Variants in NTSR1 observed in about 807,000 individuals in gnomAD.
NTSR1 encodes neurotensin receptor type 1.
NTSR1 carries 29 observed loss-of-function variants against 31.2 expected under a neutral mutation model. That is an observed-to-expected ratio of 0.93 (90% CI 0.69 to 1.27). The LOEUF is 1.27. Among genes scored for constraint, NTSR1 ranks in the 50% most tolerant of loss-of-function variants. NTSR1 has a pLI of 0.00. For synonymous variants in NTSR1, 282 were observed against 269.9 expected (o/e 1.04, Z -0.44); for missense variants, 697 against 595.4 (o/e 1.17, Z -1.78).
rs1339021116 is a variant in NTSR1, at chr20:62,709,452, C to G, written c.245C>G (p.Thr82Arg). The change falls in exon 1 of 4, where the codon ACG (threonine) becomes AGG (arginine). Residue 82 changes from threonine to arginine, a missense_variant. Transcript: ENST00000370501. ...ALFVVGTVGN[T>R]VTAFTLARKK... ...TTCGTGGTGGGCACGGTGGGCAACA[C>G]GGTGACGGCGTTCACGCTGGCGCGG... The G allele has an allele frequency of 1.2e-6, 2 of 1,612,382 alleles. No homozygotes were observed. The highest frequency in any genetic ancestry group is 1.3e-5 in the African/African-American group (1 of 74,926).
intron 1 of NTSR1, among the ~76,000 whole-genome samples, chr20:62,710,403 T>C (rs1262653764): frequency 1.3e-5 from 2 of 152,164 alleles, no homozygotes; most frequent in African/African-American, 2.4e-5. Flanking sequence ...CAGTTCCTAG[T>C]TTAGCCTCAG....
At chr20:62,738,049 C>T (rs1363436756) in intron 1 of NTSR1, among the ~76,000 whole-genome samples, 1 of 152,232 alleles carries the variant, frequency 6.6e-6, no homozygotes, top group African/African-American at 2.4e-5. Flanking sequence ...CTGCAGTGCC[C>T]ATCTGCCCAC....
At chr20:62,721,218 T>G (rs956840265) in intron 1 of NTSR1, among the ~76,000 whole-genome samples, 5 of 152,194 alleles carry the variant, frequency 3.3e-5, no homozygotes, top group African/African-American at 1.2e-4. Flanking sequence ...TTTAAGAACT[T>G]TCATTTTTCC....
chr20:62,742,065 C>T lies in NTSR1; in HGVS notation c.715-12620C>T, dbSNP rs1989216136. On this transcript the variant is annotated intron_variant, in intron 1 of 3. Coordinates refer to ENST00000370501, the MANE Select transcript of NTSR1 (RefSeq NM_002531.3). This position sits in a 1 kb window ranked among gnomAD's most constrained non-coding sequence, Gnocchi z 7.1. ...AAGTGAAGGTTAGAGGAATTCAAAC[C>T]GTTATTTTTAATACTGAGCCAAAAC... Among the ~76,000 whole-genome samples, 1 of 149,616 alleles carries T rather than the reference C, an allele frequency of 6.7e-6. No individual in the cohort carries two copies.
At chr20:62,718,865 A>T (rs73918637) in intron 1 of NTSR1, among the ~76,000 whole-genome samples, 4 of 152,312 alleles carry the variant, frequency 2.6e-5, no homozygotes, top group Admixed American at 2.6e-4. Flanking sequence ...ATACATTTTC[A>T]TTTCTCATGA....
At chr20:62,750,951 C>G (rs1404816684) in intron 1 of NTSR1, among the ~76,000 whole-genome samples, 1 of 152,202 alleles carries the variant, frequency 6.6e-6, no homozygotes, top group Non-Finnish European at 1.5e-5. Flanking sequence ...TCATAGCTCA[C>G]TGTAGCCTCA....
Position 62,715,798 on chromosome 20 carries a change from G to A in NTSR1, c.714+5877G>A, listed in dbSNP as rs1452388483. Among the ~76,000 whole-genome samples the A allele has an allele frequency of 1.3e-5, 2 of 152,208 alleles. No individual in the cohort carries two copies. The highest frequency in any genetic ancestry group is 2.4e-5 in the African/African-American group (1 of 41,464). On this transcript the variant is annotated intron_variant, in intron 1 of 3. Transcript: ENST00000370501. This position sits in a 1 kb window ranked among gnomAD's most constrained non-coding sequence, Gnocchi z 4.7. ...AGAACCACCACAAGCCACCCCACAG[G>A]TGAGGCAGGCCTCAGGCAGCAGCCC...
At chr20:62,712,420 C>A (rs1430931887) in intron 1 of NTSR1, among the ~76,000 whole-genome samples, 1 of 152,226 alleles carries the variant, frequency 6.6e-6, no homozygotes, top group Non-Finnish European at 1.5e-5. Context: ...GCGTCTCCTA[C>A]GAAATTTTGG....
At position 62,709,933 on chromosome 20, in the gene NTSR1, T is replaced by C. The variant is rs752314685; in HGVS notation, c.714+12T>C. On this transcript the variant is annotated intron_variant, in intron 1 of 3. Transcript: ENST00000370501. The stretch of plus-strand genomic sequence containing the variant: ...AGGTCGTCATACAGGTGAGCCTCAG[T>C]AACCAGCCCCGGGGCTCCCCTCTCC... 6.4e-7 allele frequency: 1 copy of C among 1,566,672 alleles called. No individual in the cohort carries two copies. The highest frequency in any genetic ancestry group is 8.7e-7 in the Non-Finnish European group (1 of 1,151,840).
rs1294220712 is a variant in NTSR1 at position 62,709,922 on chromosome 20, G to A, written c.714+1G>A. The A allele has an allele frequency of 1.3e-6, 2 of 1,579,586 alleles. No individual in the cohort carries two copies. The highest frequency in any genetic ancestry group is 2.3e-5 in the East Asian group (1 of 44,262). On this transcript the variant is annotated splice_donor_variant, in intron 1 of 3. Coordinates refer to ENST00000370501, the MANE Select transcript of NTSR1 (RefSeq NM_002531.3). LOFTEE classifies it high-confidence loss of function. ...TGCCACCGTCAAGGTCGTCATACAG[G>A]TGAGCCTCAGTAACCAGCCCCGGGG...
chr20:62,721,803 G>A (rs1234902986), intron 1 of NTSR1, among the ~76,000 whole-genome samples: 1 of 152,188 alleles, frequency 6.6e-6, no homozygotes, highest in Non-Finnish European at 1.5e-5. Flanking sequence ...CAGCCAGGAA[G>A]CCCGAGTATT....
rs1843897770 is a variant in NTSR1 at position 62,761,565 on chromosome 20, G to C, written c.*1298G>C. ...AGAAGCTGGCCGGGACCAGCCAGGA[G>C]CTGGGAGCCACAGGAAGCAAAAGTC... is the stretch of plus-strand genomic sequence containing the variant. On this transcript the variant is annotated 3_prime_UTR_variant, in exon 4 of 4. Transcript: ENST00000370501. The C allele has an allele frequency of 1.3e-5, 2 of 152,250 alleles. No homozygotes were observed. The highest frequency in any genetic ancestry group is 6.5e-5 in the Admixed American group (1 of 15,288). The allele number at this position is 152,250 out of a possible 1,614,324, so 9.4% of individuals were successfully genotyped here.
At position 62,744,381 on chromosome 20, in the gene NTSR1, T is replaced by C. The variant is rs372964379; in HGVS notation, c.715-10304T>C. Among the ~76,000 whole-genome samples the C allele has an allele frequency of 2.3e-3, 351 of 152,180 alleles. 1 individual carries two copies. The highest frequency in any genetic ancestry group is 3.5e-3 in the Non-Finnish European group (236 of 67,988). ...CATCCTGGCTAACATGGTGAAACCCTGTCTCTACTAAAAATACAAAAAAAT... is the reference window on the plus strand; with the variant it reads ...CATCCTGGCTAACATGGTGAAACCCCGTCTCTACTAAAAATACAAAAAAAT... On this transcript the variant is annotated intron_variant, in intron 1 of 3. Coordinates refer to ENST00000370501, the MANE Select transcript of NTSR1 (RefSeq NM_002531.3). This position sits in a 1 kb window ranked among gnomAD's most constrained non-coding sequence, Gnocchi z 4.1.
rs1280670642 is a variant in NTSR1 at position 62,743,371 on chromosome 20, G to T, written c.715-11314G>T. Among the ~76,000 whole-genome samples, 3 of 136,202 alleles carry T rather than the reference G, an allele frequency of 2.2e-5. No homozygotes were observed. The highest frequency in any genetic ancestry group is 4.4e-5 in the Non-Finnish European group (3 of 67,584). The allele number at this position is 136,202 out of a possible 152,430, so 89.4% of individuals were successfully genotyped here. Reference sequence around the variant, plus strand: ...CCTGGCCTCAGCTGTGGTGGGGAAGGCAGTTCGGGGTCATGAGAACCCTGA... The same window carrying T: ...CCTGGCCTCAGCTGTGGTGGGGAAGTCAGTTCGGGGTCATGAGAACCCTGA... On this transcript the variant is annotated intron_variant, in intron 1 of 3. Transcript: ENST00000370501. The surrounding 1 kb of genome is among the most constrained non-coding windows in gnomAD (Gnocchi z 7.5).
rs1305018880 is a variant in NTSR1 at position 62,741,947 on chromosome 20, G to A, written c.715-12738G>A. On this transcript the variant is annotated intron_variant, in intron 1 of 3. Transcript: ENST00000370501. This position sits in a 1 kb window ranked among gnomAD's most constrained non-coding sequence, Gnocchi z 4.3. Reference sequence around the variant, plus strand: ...GTTTCTTTATCTACAAAAGGAGCCTGACAGGAGCCTCTGCCTCACAGATGA... The same window carrying A: ...GTTTCTTTATCTACAAAAGGAGCCTAACAGGAGCCTCTGCCTCACAGATGA... Among the ~76,000 whole-genome samples, 1 of 149,510 alleles carries A rather than the reference G, an allele frequency of 6.7e-6. No individual in the cohort carries two copies. The highest frequency in any genetic ancestry group is 2.3e-4 in the East Asian group (1 of 4,444).
intron 1 of NTSR1, among the ~76,000 whole-genome samples, chr20:62,716,240 G>A (rs1375529970): frequency 6.6e-6 from 1 of 152,140 alleles, no homozygotes; most frequent in Non-Finnish European, 1.5e-5. Context: ...CTGGCTCGGT[G>A]AGGTGGATGA....
Position 62,709,497 on chromosome 20 carries a change from TGCAGA to T in NTSR1, c.294_298del (p.Gln98HisfsTer233), listed in dbSNP as rs1198184071. On this transcript the variant is annotated frameshift_variant, in exon 1 of 4. Transcript: ENST00000370501. LOFTEE classifies it high-confidence loss of function. Reference sequence around the variant, plus strand: ...GCGCGGAAGAAGTCGCTGCAGAGCCTGCAGAGCACGGTGCATTACCACCTGGGCAG... The same window carrying T: ...GCGCGGAAGAAGTCGCTGCAGAGCCTGCACGGTGCATTACCACCTGGGCAG... 3.1e-6 allele frequency: 5 copies of T among 1,612,486 alleles called. No homozygotes were observed. The highest frequency in any genetic ancestry group is 4.2e-6 in the Non-Finnish European group (5 of 1,179,868).
At chr20:62,757,357 T>A (rs1401911180) in intron 2 of NTSR1, among the ~76,000 whole-genome samples, 1 of 152,238 alleles carries the variant, frequency 6.6e-6, no homozygotes, top group Non-Finnish European at 1.5e-5. Context: ...TTGGTGAAGA[T>A]CACTTGACCA....
chr20:62,709,778 G>T lies in NTSR1; in HGVS notation c.571G>T (p.Ala191Ser), dbSNP rs201502964. The change falls in exon 1 of 4, where the codon GCC becomes TCC. Residue 191 changes from alanine (A) to serine (S), a missense_variant. Physicochemically the swap from Ala to Ser is moderately conservative, Grantham distance 99. Transcript: ENST00000370501. ...SRSRTKKFIS[A>S]IWLASALLAV... ...AAGCCGCACCAAGAAGTTCATCAGC[G>T]CCATCTGGCTCGCCTCGGCCCTGCT... 6 of 1,613,022 alleles carry T rather than the reference G, an allele frequency of 3.7e-6. 1 individual carries two copies. In the South Asian group the frequency reaches 6.6e-5, roughly 18 times the overall value.
Sources: allele counts gnomAD v4.1 joint callset (sites outside exome capture counted in the v4.1 genomes callset), GRCh38; gene constraint gnomAD v4.1.1; non-coding constraint Gnocchi (gnomAD v3.1); transcripts MANE v1.5; gene names NCBI Gene and HGNC (gene_info 2026-07-23, HGNC 2026-07-21).